Variants in CNTNAP2 observed in about 807,000 individuals in gnomAD.
CNTNAP2 encodes contactin-associated protein-like 2.
In CNTNAP2, 98 loss-of-function variants were observed where a neutral mutation model predicts 155.2. The observed-to-expected ratio is 0.63, with a 90% confidence interval of 0.54 to 0.75. The LOEUF (loss-of-function observed/expected upper bound fraction) is 0.75. Ranked by LOEUF, CNTNAP2 falls within the 30% of genes least tolerant of loss-of-function variation. The pLI is 0.00. For missense variants in CNTNAP2, 1,727 were observed against 1,688.1 expected (o/e 1.02, Z -0.40); for synonymous variants, 651 against 631.2 (o/e 1.03, Z -0.47).
chr7:146,588,438 A>G (rs895601444), intron 1 of CNTNAP2, among the ~76,000 whole-genome samples: 2 of 152,138 alleles, frequency 1.3e-5, no homozygotes, highest in African/African-American at 4.8e-5. Flanking sequence ...GTCATTTCAA[A>G]ATATATTTAT....
intron 1 of CNTNAP2, among the ~76,000 whole-genome samples, chr7:146,672,125 C>A (rs996399642): frequency 1.3e-5 from 2 of 152,064 alleles, no homozygotes; most frequent in African/African-American, 2.4e-5. Flanking sequence ...GTAGTATTCT[C>A]ATTTTATCTG....
At chr7:147,241,540 A>C (rs539654496) in intron 8 of CNTNAP2, among the ~76,000 whole-genome samples, 1 of 151,532 alleles carries the variant, frequency 6.6e-6, no homozygotes, top group Non-Finnish European at 1.5e-5. Context: ...AGGCAGGAGA[A>C]TCTCTTGAAC....
intron 13 of CNTNAP2, among the ~76,000 whole-genome samples, chr7:147,741,977 C>T (rs1220080625): frequency 2.6e-5 from 4 of 152,166 alleles, no homozygotes; most frequent in Admixed American, 6.5e-5. Flanking sequence ...GCCTCACAAT[C>T]ATGGTGGAAG....
In CNTNAP2 at chr7:147,740,893, C is replaced by T. The variant is rs1796945668; in HGVS notation, c.2098+101587C>T. Among the ~76,000 whole-genome samples, 3 of 152,262 alleles carry T rather than the reference C, an allele frequency of 2.0e-5. No individual in the cohort carries two copies. The South Asian group carries it at 6.2e-4, about 32-fold the overall frequency. ...GAGGGCCCAGGCAGAAGTCCTCAAG[C>T]TCAGGGCGTAGATCTCAGCCAGTCC... On this transcript the variant is annotated intron_variant, in intron 13 of 23. Coordinates refer to ENST00000361727, the MANE Select transcript of CNTNAP2 (RefSeq NM_014141.6).
At chr7:146,923,175 G>C (rs542420987) in intron 3 of CNTNAP2, among the ~76,000 whole-genome samples, 2 of 152,112 alleles carry the variant, frequency 1.3e-5, no homozygotes, top group African/African-American at 4.8e-5. Context: ...TTCCTTAAAG[G>C]GTGGTTGTTG....
intron 9 of CNTNAP2, among the ~76,000 whole-genome samples, chr7:147,387,548 AG>A (rs1195883234): frequency 6.6e-6 from 1 of 152,146 alleles, no homozygotes; most frequent in African/African-American, 2.4e-5. Context: ...TCCAATGTAA[AG>A]TGACTGCTCT....
chr7:147,200,456 G>A (rs1281096110), intron 8 of CNTNAP2, among the ~76,000 whole-genome samples: 2 of 152,094 alleles, frequency 1.3e-5, no homozygotes, highest in Non-Finnish European at 2.9e-5. Flanking sequence ...ACAGCAGGGT[G>A]GATTTCAGGA....
At chr7:147,371,642 A>G (rs1459224960) in intron 9 of CNTNAP2, among the ~76,000 whole-genome samples, 1 of 152,098 alleles carries the variant, frequency 6.6e-6, no homozygotes, top group Non-Finnish European at 1.5e-5. Context: ...CTAGATTCAC[A>G]GGGCAGTAAC....
intron 13 of CNTNAP2, among the ~76,000 whole-genome samples, chr7:147,682,904 A>C (rs1174486680): frequency 6.6e-6 from 1 of 151,890 alleles, no homozygotes; most frequent in African/African-American, 2.4e-5. Flanking sequence ...AAGCATCTTC[A>C]TGAGGCTGGA....
At chr7:146,526,954 A>G (rs989923819) in intron 1 of CNTNAP2, among the ~76,000 whole-genome samples, 17 of 152,168 alleles carry the variant, frequency 1.1e-4, no homozygotes, top group African/African-American at 3.6e-4. Context: ...AAGTTTTACT[A>G]TATTGCCCAG....
chr7:148,188,655 C>T (rs1473419337), intron 18 of CNTNAP2, among the ~76,000 whole-genome samples: 3 of 152,190 alleles, frequency 2.0e-5, no homozygotes, highest in Non-Finnish European at 4.4e-5. Context: ...TTTGGTTTCA[C>T]TACTAAATAA....
At chr7:147,604,628 A>G (rs1447683525) in intron 12 of CNTNAP2, among the ~76,000 whole-genome samples, 1 of 152,066 alleles carries the variant, frequency 6.6e-6, no homozygotes, top group Non-Finnish European at 1.5e-5. Context: ...TAATTCATTT[A>G]CCTCTGTGGA....
Position 148,374,196 on chromosome 7 carries a change from A to T in CNTNAP2, c.3476-9453A>T, listed in dbSNP as rs866627634. On this transcript the variant is annotated intron_variant, in intron 21 of 23. Coordinates refer to ENST00000361727, the MANE Select transcript of CNTNAP2 (RefSeq NM_014141.6). ...TTCATGCGATCTTAGTCCTCAAAGG[A>T]TTTTTTTTTCTTCTCTTGGGTAAGA... Among the ~76,000 whole-genome samples the T allele has an allele frequency of 5.3e-3, 803 of 151,222 alleles. 6 individuals carry two copies. The highest frequency in any genetic ancestry group is 0.018 in the African/African-American group (737 of 41,362).
chr7:147,180,569 A>T (rs1204050138), intron 8 of CNTNAP2, among the ~76,000 whole-genome samples: 1 of 152,210 alleles, frequency 6.6e-6, no homozygotes, highest in Non-Finnish European at 1.5e-5. Flanking sequence ...GATAAAATTT[A>T]ACACCTGTAC....
chr7:146,151,666 A>ATATATATATGTATATATATATATATG (rs1798047502), intron 1 of CNTNAP2, among the ~76,000 whole-genome samples: 1 of 64,010 alleles, frequency 1.6e-5, no homozygotes. Flanking sequence ...ATATATATAT[A>ATATATATATGTATATATATATATATG]TATATATATA....
chr7:147,126,483 T>C (rs1004089236), intron 6 of CNTNAP2, among the ~76,000 whole-genome samples: 2 of 152,152 alleles, frequency 1.3e-5, no homozygotes, highest in Admixed American at 1.3e-4. Context: ...TTATTATTAT[T>C]AATATTTGAG....
intron 13 of CNTNAP2, among the ~76,000 whole-genome samples, chr7:147,752,565 T>C (rs774142914): frequency 2.0e-5 from 3 of 152,212 alleles, no homozygotes; most frequent in Non-Finnish European, 4.4e-5. Flanking sequence ...ACAATTCATC[T>C]GGAAGCTCTA....
At chr7:147,091,726 G>A (rs914958476) in intron 4 of CNTNAP2, among the ~76,000 whole-genome samples, 1 of 151,508 alleles carries the variant, frequency 6.6e-6, no homozygotes, top group Non-Finnish European at 1.5e-5. Context: ...CTGCCTCAGC[G>A]TCCCGGGTAG....
intron 13 of CNTNAP2, among the ~76,000 whole-genome samples, chr7:147,712,772 A>C (rs1971428): frequency 6.6e-6 from 1 of 152,152 alleles, no homozygotes; most frequent in Admixed American, 6.5e-5. Flanking sequence ...GAGGGATAGC[A>C]TTAGGAGATA....
Sources: gnomAD v4.1 joint callset for allele counts (sites outside exome capture counted in the v4.1 genomes callset) on GRCh38, gnomAD v4.1.1 for gene constraint, MANE v1.5 for transcripts, NCBI Gene and HGNC (gene_info 2026-07-23, HGNC 2026-07-21) for gene names.